Variants in SPATA18 observed in about 807,000 individuals in gnomAD.
SPATA18 encodes spermatogenesis associated 18.
SPATA18 carries 54 observed loss-of-function variants against 68.1 expected under a neutral mutation model. The observed-to-expected ratio is 0.79, with a 90% CI of 0.64 to 0.99. The LOEUF (loss-of-function observed/expected upper bound fraction) is 0.99. Ranked by LOEUF, SPATA18 falls within the 50% of genes least tolerant of loss-of-function variation. SPATA18 has a pLI of 0.00. For missense variants in SPATA18, 724 were observed against 681.1 expected (o/e 1.06, Z -0.70); for synonymous variants, 242 against 244.8 (o/e 0.99, Z 0.11).
intron 7 of SPATA18, 118 bp downstream of exon 7, chr4:52,077,158 T>C: frequency 1.0e-5 from 11 of 1,084,694 alleles, no homozygotes; most frequent in African/African-American, 1.6e-5. Flanking sequence ...GTGGGGGAGA[T>C]TCCAGTCTCC....
intron 4 of SPATA18, among the ~76,000 whole-genome samples, chr4:52,063,331 G>A (rs1462379009): frequency 6.6e-6 from 1 of 152,044 alleles, no homozygotes. Context: ...AAAAATTGAT[G>A]AAAATCACTT....
chr4:52,077,694 T>G (rs1437961312), intron 7 of SPATA18, among the ~76,000 whole-genome samples: 1 of 152,176 alleles, frequency 6.6e-6, no homozygotes, highest in Non-Finnish European at 1.5e-5. Context: ...TTTGGTTTAC[T>G]TTAGTTCTTA....
Position 52,084,918 on chromosome 4 carries a change from G to A in SPATA18, c.1482G>A (p.Trp494Ter). 6.2e-7 allele frequency: 1 copy of A among 1,613,818 alleles called. No individual in the cohort carries two copies. Among genetic ancestry groups the A allele is most frequent in the Non-Finnish European group, 8.5e-7 (1 of 1,179,858 alleles). ...TCTCTTTCTCTCTCTTTTTTAAGTG[G>A]AATTCGGTGCGATCTGTAAGTCGTT... is the stretch of plus-strand genomic sequence containing the variant. ...GEAVTRRGAF[W>*]NSVRSVSRCR... Residue 494 changes from tryptophan to a stop codon, truncating the protein, a stop_gained and splice_region_variant, in exon 11 of 13, where the codon TGG (tryptophan) becomes TGA (stop). Transcript: ENST00000295213. LOFTEE classifies it high-confidence loss of function.
intron 5 of SPATA18, among the ~76,000 whole-genome samples, chr4:52,071,534 G>T (rs992213564): frequency 6.6e-6 from 1 of 152,192 alleles, no homozygotes; most frequent in Non-Finnish European, 1.5e-5. Context: ...GAACTAATGA[G>T]GGTAGGAGAT....
At chr4:52,087,947 G>A (rs1050601408) in intron 11 of SPATA18, among the ~76,000 whole-genome samples, 1 of 152,088 alleles carries the variant, frequency 6.6e-6, no homozygotes, top group African/African-American at 2.4e-5. Flanking sequence ...TGATTTCCTT[G>A]AGCAGTGGGT....
At chr4:52,064,386 A>G (rs905316758) in intron 4 of SPATA18, among the ~76,000 whole-genome samples, 4 of 152,118 alleles carry the variant, frequency 2.6e-5, no homozygotes, top group African/African-American at 9.7e-5. Flanking sequence ...CCTGAGCGGT[A>G]TACACTATAG....
At position 52,095,368 on chromosome 4, in the gene SPATA18, A is replaced by G. The variant is rs1356703521; in HGVS notation, c.*481A>G. ...TTTTAATTTCCTTTTAAGGTTTGGA[A>G]GACAGCCCTAATCTCAGGTTGGGGA... is the stretch of plus-strand genomic sequence containing the variant. On this transcript the variant is annotated 3_prime_UTR_variant, in exon 13 of 13. Transcript: ENST00000295213. 6.3e-6 allele frequency: 1 copy of G among 158,514 alleles called. No homozygotes were observed. The highest frequency in any genetic ancestry group is 1.4e-5 in the Non-Finnish European group (1 of 72,404). 9.8% of individuals were successfully genotyped at this position (158,514 alleles called of 1,614,324 possible).
At chr4:52,081,592 TA>T (rs1232270440) in intron 9 of SPATA18, among the ~76,000 whole-genome samples, 1 of 152,216 alleles carries the variant, frequency 6.6e-6, no homozygotes, top group East Asian at 1.9e-4. Context: ...TTAATTCAGC[TA>T]ACTTACAGTA....
Position 52,076,911 on chromosome 4 carries a change from G to C in SPATA18, c.891G>C (p.Ala297=). ...ACCGCTCCAAGCTGTCCAATGTGGC[G>C]CGCAAGGCTGCCCTCTTGTCCCGGT... ...SPNRSKLSNV[A]RKAALLSRFS... is the part of the protein sequence containing the mutation. Residue 297 remains alanine (A), a synonymous_variant, in exon 7 of 13, where the codon GCG becomes GCC. Coordinates refer to ENST00000295213, the MANE Select transcript of SPATA18 (RefSeq NM_145263.4). 6.2e-7 allele frequency: 1 copy of C among 1,614,184 alleles called. No homozygotes were observed. The highest frequency in any genetic ancestry group is 8.5e-7 in the Non-Finnish European group (1 of 1,180,034).
chr4:52,084,319 A>T lies in SPATA18; in HGVS notation c.1480-597A>T, dbSNP rs547710940. Among the ~76,000 whole-genome samples the T allele has an allele frequency of 5.3e-5, 8 of 152,266 alleles. No individual in the cohort carries two copies. In the East Asian group the frequency reaches 1.5e-3, roughly 29 times the overall value. On this transcript the variant is annotated intron_variant, in intron 10 of 12. Coordinates refer to ENST00000295213, the MANE Select transcript of SPATA18 (RefSeq NM_145263.4). Reference sequence around the variant, plus strand: ...AACATTTGTCCAAGCTTAAACCCTAAAACAAAATAATAGGAAGTTCTTCCT... The same window carrying T: ...AACATTTGTCCAAGCTTAAACCCTATAACAAAATAATAGGAAGTTCTTCCT...
rs936585924 is a variant in SPATA18 at position 52,060,583 on chromosome 4, GCTTTTTTGTGTT to G, written c.193+64_193+75del. ...GCTTGCCTTTCTCTCTTTTCTTGGT[GCTTTTTTGTGTT>G]CTTTGACTGTTGGTGTGGTTGGGTT... On this transcript the variant is annotated intron_variant, in intron 2 of 12. Transcript: ENST00000295213. 1.3e-5 allele frequency: 20 copies of G among 1,520,122 alleles called. No homozygotes were observed. In the African/African-American group the frequency reaches 2.2e-4, roughly 17 times the overall value. 94.2% of individuals were successfully genotyped at this position (1,520,122 alleles called of 1,614,324 possible). A position where few individuals can be genotyped will look rare whatever the true frequency, so the allele number is the denominator to read the frequency against.
rs182366895 is a variant in SPATA18 at position 52,065,172 on chromosome 4, C to A, written c.422+2840C>A. Among the ~76,000 whole-genome samples the A allele has an allele frequency of 3.5e-3, 533 of 151,548 alleles. 3 individuals are homozygous for A. Among genetic ancestry groups the A allele is most frequent in the Non-Finnish European group, 5.6e-3 (379 of 67,904 alleles). On this transcript the variant is annotated intron_variant, in intron 4 of 12. Coordinates refer to ENST00000295213, the MANE Select transcript of SPATA18 (RefSeq NM_145263.4). ...TCCTTGTAGATTCTGGATATTAGTTCTTTGTCAAATGCATAGTTTGTGAAT... is the reference window on the plus strand; with the variant it reads ...TCCTTGTAGATTCTGGATATTAGTTATTTGTCAAATGCATAGTTTGTGAAT...
At position 52,076,896 on chromosome 4, in the gene SPATA18, G is replaced by A. The variant is rs746862000; in HGVS notation, c.876G>A (p.Lys292=). Residue 292 remains lysine, a synonymous_variant, in exon 7 of 13, where the codon AAG becomes AAA. Transcript: ENST00000295213. The stretch of plus-strand genomic sequence containing the variant: ...GGAGACCGTCCCCAAACCGCTCCAA[G>A]CTGTCCAATGTGGCGCGCAAGGCTG... ...KVRRPSPNRS[K]LSNVARKAAL... The A allele has an allele frequency of 1.2e-6, 2 of 1,614,092 alleles. No homozygotes were observed. The highest frequency in any genetic ancestry group is 1.7e-6 in the Non-Finnish European group (2 of 1,180,036).
At chr4:52,059,366 ATGTT>A (rs1311890975) in intron 1 of SPATA18, among the ~76,000 whole-genome samples, 1 of 152,104 alleles carries the variant, frequency 6.6e-6, no homozygotes, top group Non-Finnish European at 1.5e-5. Flanking sequence ...CAACCACATG[ATGTT>A]TGTTGCTTGT....
intron 11 of SPATA18, among the ~76,000 whole-genome samples, chr4:52,089,074 G>A (rs1578202711): frequency 1.3e-5 from 2 of 152,286 alleles, no homozygotes; most frequent in South Asian, 2.1e-4. Flanking sequence ...TTGTGAAGAG[G>A]TGTTTATAGT....
Position 52,094,585 on chromosome 4 carries a change from A to C in SPATA18, c.1609+13A>C. The C allele has an allele frequency of 6.2e-7, 1 of 1,613,300 alleles. No homozygotes were observed. The highest frequency in any genetic ancestry group is 8.5e-7 in the Non-Finnish European group (1 of 1,179,426). On this transcript the variant is annotated intron_variant, in intron 12 of 12. Transcript: ENST00000295213. The stretch of plus-strand genomic sequence containing the variant: ...TGTGGATTGCCAAGTAAGTGGGATT[A>C]GTTCAGATGGATCAAATTTTCTGCT...
At chr4:52,084,074 G>A (rs1044784774) in intron 10 of SPATA18, among the ~76,000 whole-genome samples, 1 of 151,034 alleles carries the variant, frequency 6.6e-6, no homozygotes, top group Non-Finnish European at 1.5e-5. Flanking sequence ...AAGATATTGA[G>A]TCCATAGAAA....
intron 6 of SPATA18, among the ~76,000 whole-genome samples, chr4:52,075,703 G>A (rs181953161): frequency 1.5e-4 from 23 of 152,298 alleles, no homozygotes; most frequent in African/African-American, 4.6e-4. Flanking sequence ...ACAAAAAAGA[G>A]ATCATATAAT....
chr4:52,091,927 G>A (rs540442378), intron 11 of SPATA18, among the ~76,000 whole-genome samples: 112 of 152,348 alleles, frequency 7.4e-4, no homozygotes, highest in African/African-American at 2.7e-3. Context: ...CAATCTGCCA[G>A]TCTGGCCACA....
Sources: allele counts gnomAD v4.1 joint callset (sites outside exome capture counted in the v4.1 genomes callset), GRCh38; gene constraint gnomAD v4.1.1; transcripts MANE v1.5; gene names NCBI Gene and HGNC (gene_info 2026-07-23, HGNC 2026-07-21).